Variants in SPATA6 observed in about 807,000 individuals in gnomAD.
The protein encoded by SPATA6 is spermatogenesis-associated protein 6.
Under a neutral mutation model 65.3 loss-of-function variants are expected in SPATA6, and 56 were observed. The observed-to-expected ratio is 0.86, with a 90% CI of 0.69 to 1.07. The LOEUF (loss-of-function observed/expected upper bound fraction) is 1.07, where lower values mean the gene tolerates loss of function less well. Among genes scored for constraint, SPATA6 ranks in the 50% least tolerant of loss-of-function variants. The pLI is 0.00. For synonymous variants in SPATA6, 199 were observed against 213.2 expected (o/e 0.93, Z 0.58); for missense variants, 590 against 594.8 (o/e 0.99, Z 0.08).
chr1:48,267,425 A>G, the SPATA6 span, among the ~76,000 whole-genome samples: 1 of 152,170 alleles, frequency 6.6e-6, no homozygotes, highest in African/African-American at 2.4e-5. Flanking sequence ...TACTGGAAAA[A>G]TCGAATCACA....
intron 11 of SPATA6, among the ~76,000 whole-genome samples, chr1:48,354,737 CTT>C (rs1646608831): frequency 6.6e-6 from 1 of 151,740 alleles, no homozygotes; most frequent in South Asian, 2.1e-4. Flanking sequence ...AGATAAAAAA[CTT>C]TGTTAGAAAT....
At chr1:48,325,505 A>G in intron 11 of SPATA6, 2 of 1,233,640 alleles carry the variant, frequency 1.6e-6, no homozygotes, top group Non-Finnish European at 2.4e-6. Flanking sequence ...TGATGATCTC[A>G]TCATCCTCAC....
the SPATA6 span, among the ~76,000 whole-genome samples, chr1:48,281,216 C>T: frequency 4.0e-5 from 6 of 151,870 alleles, no homozygotes. Flanking sequence ...GACAAACCCA[C>T]AGCCAATATC....
At chr1:48,329,935 C>A (rs1410304951) in intron 11 of SPATA6, among the ~76,000 whole-genome samples, 1 of 152,202 alleles carries the variant, frequency 6.6e-6, no homozygotes, top group Non-Finnish European at 1.5e-5. Flanking sequence ...AGGCAGAGAG[C>A]CACCTGGACA....
At chr1:48,271,470 A>G in the SPATA6 span, among the ~76,000 whole-genome samples, 1 of 152,160 alleles carries the variant, frequency 6.6e-6, no homozygotes, top group Non-Finnish European at 1.5e-5. Context: ...TCTTGGCTGC[A>G]AGTACAGGTA....
downstream of SPATA6, among the ~76,000 whole-genome samples, chr1:48,295,036 C>T (rs971000394): frequency 6.6e-6 from 1 of 152,110 alleles, no homozygotes; most frequent in Non-Finnish European, 1.5e-5. Flanking sequence ...TTTTTATATA[C>T]CCTCTATTTC....
intron 11 of SPATA6, among the ~76,000 whole-genome samples, chr1:48,337,810 T>C (rs1252667626): frequency 6.6e-6 from 1 of 151,922 alleles, no homozygotes; most frequent in Non-Finnish European, 1.5e-5. Flanking sequence ...GAAAACTATG[T>C]CAAATTATTG....
the SPATA6 span, among the ~76,000 whole-genome samples, chr1:48,261,797 A>C: frequency 2.6e-5 from 4 of 152,126 alleles, no homozygotes; most frequent in Non-Finnish European, 4.4e-5. Context: ...AATAATATCC[A>C]TAGCACCTTA....
At chr1:48,299,973 G>C (rs1402581299) in intron 12 of SPATA6, among the ~76,000 whole-genome samples, 2 of 152,084 alleles carry the variant, frequency 1.3e-5, no homozygotes, top group Non-Finnish European at 2.9e-5. Context: ...TGAAGTGAAA[G>C]GATCAACTGT....
At chr1:48,375,765 G>A (rs994639882) in intron 9 of SPATA6, among the ~76,000 whole-genome samples, 1 of 151,974 alleles carries the variant, frequency 6.6e-6, no homozygotes, top group Non-Finnish European at 1.5e-5. Flanking sequence ...CTTCCTACAT[G>A]TATACATACT....
chr1:48,306,792 G>A (rs931555721), intron 11 of SPATA6, among the ~76,000 whole-genome samples: 2 of 151,838 alleles, frequency 1.3e-5, no homozygotes, highest in African/African-American at 4.8e-5. Context: ...GTGTAAACGT[G>A]TGCAATAAAT....
At chr1:48,410,708 G>A (rs1482317188) in intron 5 of SPATA6, among the ~76,000 whole-genome samples, 1 of 152,186 alleles carries the variant, frequency 6.6e-6, no homozygotes, top group Admixed American at 6.5e-5. Context: ...GAGAGAAAAT[G>A]TGTGTGCAGC....
intron 11 of SPATA6, chr1:48,355,425 T>C (rs1355411230): frequency 1.2e-5 from 4 of 323,940 alleles, no homozygotes; most frequent in Admixed American, 4.6e-5. Flanking sequence ...TGAAACTTTA[T>C]AAGATAATTA....
intron 11 of SPATA6, among the ~76,000 whole-genome samples, chr1:48,316,793 G>A (rs1319779044): frequency 6.6e-6 from 1 of 151,950 alleles, no homozygotes; most frequent in East Asian, 1.9e-4. Flanking sequence ...TCTGACAAAG[G>A]GCTAATATCT....
intron 9 of SPATA6, among the ~76,000 whole-genome samples, chr1:48,363,279 G>A (rs957416742): frequency 2.0e-5 from 3 of 152,058 alleles, no homozygotes; most frequent in Non-Finnish European, 2.9e-5. Context: ...GTGAGTTTCC[G>A]TTAGATCATT....
intron 3 of SPATA6, among the ~76,000 whole-genome samples, chr1:48,426,440 G>C (rs1447594574): frequency 6.6e-6 from 1 of 151,848 alleles, no homozygotes; most frequent in Non-Finnish European, 1.5e-5. Context: ...AAGACACTAG[G>C]AAAAACTATA....
chr1:48,290,048 G>C, the SPATA6 span, among the ~76,000 whole-genome samples: 3 of 152,186 alleles, frequency 2.0e-5, no homozygotes, highest in South Asian at 4.1e-4. Flanking sequence ...ACACATAATT[G>C]TCAGATTCAC....
chr1:48,279,099 A>C, the SPATA6 span, among the ~76,000 whole-genome samples: 1 of 151,154 alleles, frequency 6.6e-6, no homozygotes, highest in East Asian at 1.9e-4. Context: ...TAAGTGAAGG[A>C]GAAATAAAAT....
At chr1:48,400,817 G>A in intron 6 of SPATA6, 1 of 1,293,658 alleles carries the variant, frequency 7.7e-7, no homozygotes. Flanking sequence ...TGTAGTTCAT[G>A]GTATGCTTCT....
Sources: gnomAD v4.1 joint callset for allele counts (sites outside exome capture counted in the v4.1 genomes callset) on GRCh38, gnomAD v4.1.1 for gene constraint, MANE v1.5 for transcripts, NCBI Gene and HGNC (gene_info 2026-07-23, HGNC 2026-07-21) for gene names.